Variants in MAP7 observed in about 807,000 individuals in gnomAD.
MAP7 encodes microtubule associated protein 7.
Under a neutral mutation model 94.8 loss-of-function variants are expected in MAP7, and 52 were observed. The observed-to-expected ratio is 0.55, with a 90% confidence interval of 0.44 to 0.69. MAP7 has a LOEUF of 0.69. Ranked by LOEUF, MAP7 falls within the 30% of genes least tolerant of loss-of-function variation. MAP7 has a pLI of 0.00. For synonymous variants in MAP7, 350 were observed against 357.0 expected (o/e 0.98, Z 0.22); for missense variants, 940 against 964.6 (o/e 0.97, Z 0.34).
chr6:136,425,570 A>C (rs745584492), intron 1 of MAP7, among the ~76,000 whole-genome samples: 1 of 152,154 alleles, frequency 6.6e-6, no homozygotes, highest in Non-Finnish European at 1.5e-5. Context: ...TTTTGTATAT[A>C]TTTATATATA....
chr6:136,385,175 T>C (rs1419400921), intron 5 of MAP7, among the ~76,000 whole-genome samples: 1 of 152,206 alleles, frequency 6.6e-6, no homozygotes, highest in Non-Finnish European at 1.5e-5. Context: ...TGACTACTAT[T>C]TATAGCACAC....
chr6:136,348,062 T>C (rs969590066), intron 16 of MAP7, among the ~76,000 whole-genome samples: 36 of 146,038 alleles, frequency 2.5e-4, no homozygotes, highest in African/African-American at 8.7e-4. Context: ...TCTACTGTTC[T>C]AAGTGCCTGG....
At chr6:136,359,727 T>C in intron 15 of MAP7, 93 bp downstream of exon 15, 2 of 1,228,284 alleles carry the variant, frequency 1.6e-6, no homozygotes, top group Non-Finnish European at 1.2e-6. Flanking sequence ...CTGGATCTTT[T>C]TTCCCTCCAT....
intron 1 of MAP7, among the ~76,000 whole-genome samples, chr6:136,453,304 T>G (rs1464092422): frequency 6.6e-6 from 1 of 152,214 alleles, no homozygotes; most frequent in Non-Finnish European, 1.5e-5. Context: ...GTAAAACCTG[T>G]GTACAACATT....
intron 1 of MAP7, among the ~76,000 whole-genome samples, chr6:136,491,922 T>C (rs1245427209): frequency 6.6e-6 from 1 of 152,208 alleles, no homozygotes; most frequent in African/African-American, 2.4e-5. Context: ...ACTCCATAAT[T>C]AATCATCTGT....
At chr6:136,514,078 C>T (rs1824048930) in intron 1 of MAP7, among the ~76,000 whole-genome samples, 1 of 152,156 alleles carries the variant, frequency 6.6e-6, no homozygotes, top group Admixed American at 6.5e-5. Flanking sequence ...TCCCTCCATG[C>T]ATCATAAATG....
chr6:136,535,115 C>T (rs1583157745), intron 1 of MAP7, among the ~76,000 whole-genome samples: 1 of 152,140 alleles, frequency 6.6e-6, no homozygotes, highest in African/African-American at 2.4e-5. Context: ...GGAGGTGGGG[C>T]CTGGTGGGAG....
At chr6:136,495,948 TGGCTCAAGGAG>T (rs970371656) in intron 1 of MAP7, among the ~76,000 whole-genome samples, 4 of 152,198 alleles carry the variant, frequency 2.6e-5, no homozygotes, top group Non-Finnish European at 5.9e-5. Flanking sequence ...CTCAAAATAA[TGGCTCAAGGAG>T]GGCTTAATTG....
chr6:136,492,984 A>G (rs1817076900), intron 1 of MAP7, among the ~76,000 whole-genome samples: 1 of 152,118 alleles, frequency 6.6e-6, no homozygotes, highest in Middle Eastern at 3.2e-3. Flanking sequence ...TTTGGGAAGA[A>G]AATAAGATTG....
intron 1 of MAP7, among the ~76,000 whole-genome samples, chr6:136,451,970 G>T (rs147147434): frequency 1.3e-5 from 2 of 152,212 alleles, no homozygotes; most frequent in East Asian, 3.8e-4. Context: ...GCTGAGGTGG[G>T]CAGATCATGA....
At chr6:136,512,327 T>C (rs1823527638) in intron 1 of MAP7, among the ~76,000 whole-genome samples, 1 of 152,232 alleles carries the variant, frequency 6.6e-6, no homozygotes, top group Non-Finnish European at 1.5e-5. Context: ...ATAATTTCCT[T>C]CAAGTTCTAC....
chr6:136,460,355 T>A, intron 1 of MAP7, among the ~76,000 whole-genome samples: 1 of 152,210 alleles, frequency 6.6e-6, no homozygotes, highest in East Asian at 1.9e-4. Flanking sequence ...GAAGAAATTA[T>A]GGATGATGTT....
Position 136,389,250 on chromosome 6 carries a change from C to T in MAP7, c.408+104G>A, listed in dbSNP as rs954823608. 5 of 1,463,396 alleles carry T rather than the reference C, an allele frequency of 3.4e-6. No individual in the cohort carries two copies. In the Admixed American group the frequency reaches 7.7e-5, roughly 23 times the overall value. 90.7% of individuals were successfully genotyped at this position (1,463,396 alleles called of 1,614,324 possible). ...ATCTGTAAAGCTGATCACTCTGAAACCATTTTGCTTTGCACCCTGCACCTG... is the reference window on the plus strand; with the variant it reads ...ATCTGTAAAGCTGATCACTCTGAAATCATTTTGCTTTGCACCCTGCACCTG... On this transcript the variant is annotated intron_variant, in intron 4 of 17. Transcript: ENST00000354570.
rs1184733618 is a variant in MAP7 at position 136,343,890 on chromosome 6, C to CA, written c.*337dup. 1 of 175,696 alleles carries CA rather than the reference C, an allele frequency of 5.7e-6. No individual in the cohort carries two copies. Among genetic ancestry groups the CA allele is most frequent in the Admixed American group, 6.3e-5 (1 of 15,970 alleles). 10.9% of individuals were successfully genotyped at this position (175,696 alleles called of 1,614,324 possible). Reference sequence around the variant, plus strand: ...ATTTTACATGTTAAGCTTTTAAGACCAAAAAAATCATGCCTAGTCAGCCCA... The same window carrying CA: ...ATTTTACATGTTAAGCTTTTAAGACCAAAAAAAATCATGCCTAGTCAGCCCA... On this transcript the variant is annotated 3_prime_UTR_variant, in exon 18 of 18. Transcript: ENST00000354570.
At chr6:136,478,556 G>A (rs1284931987) in intron 1 of MAP7, among the ~76,000 whole-genome samples, 5 of 151,934 alleles carry the variant, frequency 3.3e-5, no homozygotes, top group Admixed American at 2.0e-4. Flanking sequence ...CAAAACATTA[G>A]CCAGAACAAC....
rs760764736 is a variant in MAP7 at position 136,388,385 on chromosome 6, CTG to C, written c.526+6_526+7del. 4 of 1,602,458 alleles carry C rather than the reference CTG, an allele frequency of 2.5e-6. No individual in the cohort carries two copies. The highest frequency in any genetic ancestry group is 3.4e-6 in the Non-Finnish European group (4 of 1,170,054). ...TAAAGACTAATTTTCAAAGTGGTCA[CTG>C]TTTACCTGCACTGTGGATGCTAGGG... On this transcript the variant is annotated splice_donor_region_variant and intron_variant, in intron 5 of 17. Transcript: ENST00000354570.
At chr6:136,410,576 A>G (rs1650545424) in intron 3 of MAP7, among the ~76,000 whole-genome samples, 1 of 152,256 alleles carries the variant, frequency 6.6e-6, no homozygotes, top group Non-Finnish European at 1.5e-5. Flanking sequence ...CACTTCCAGT[A>G]AGCAAATGAA....
intron 16 of MAP7, among the ~76,000 whole-genome samples, chr6:136,351,457 T>C (rs906068807): frequency 1.3e-5 from 2 of 152,182 alleles, no homozygotes; most frequent in African/African-American, 4.8e-5. Context: ...CCTTCACAGA[T>C]AGCATTTCAC....
At chr6:136,464,212 A>G (rs1372307374) in intron 1 of MAP7, among the ~76,000 whole-genome samples, 1 of 152,228 alleles carries the variant, frequency 6.6e-6, no homozygotes, top group Non-Finnish European at 1.5e-5. Context: ...CTATGATAAC[A>G]GAAGATATTA....
Sources: gnomAD v4.1 joint callset for allele counts (sites outside exome capture counted in the v4.1 genomes callset) on GRCh38, gnomAD v4.1.1 for gene constraint, MANE v1.5 for transcripts, NCBI Gene and HGNC (gene_info 2026-07-23, HGNC 2026-07-21) for gene names.